The following RGS6 variants were observed in gnomAD, a reference collection of about 807,000 sequenced individuals.
RGS6 encodes the protein regulator of G protein signaling 6.
Under a neutral mutation model 78.5 loss-of-function variants are expected in RGS6, and 30 were observed. The ratio of observed to expected loss-of-function variants is 0.38; its 90% CI spans 0.29 to 0.52. RGS6 has a LOEUF of 0.52. Among genes scored for constraint, RGS6 ranks in the 20% least tolerant of loss-of-function variants. The pLI, the probability that RGS6 is intolerant of heterozygous loss-of-function variation, is 0.85. For synonymous variants in RGS6, 206 were observed against 206.0 expected (o/e 1.00, Z 0.00); for missense variants, 495 against 609.7 (o/e 0.81, Z 1.98).
the RGS6 span, among the ~76,000 whole-genome samples, chr14:72,606,509 C>T: frequency 5.6e-3 from 849 of 152,304 alleles, 9 homozygotes; most frequent in African/African-American, 0.02. Context: ...TCATCAACAT[C>T]TTATCCCACT....
chr14:71,879,155 GA>G, the RGS6 span, among the ~76,000 whole-genome samples: 267 of 152,108 alleles, frequency 1.8e-3, 1 homozygote, highest in African/African-American at 6.1e-3. Flanking sequence ...ACCTCACCAG[GA>G]AAAAAACTCA....
At chr14:72,476,606 G>A in intron 10 of RGS6, 136 bp from the exon 11 acceptor site, 1 of 637,832 alleles carries the variant, frequency 1.6e-6, no homozygotes, top group South Asian at 2.0e-5. Context: ...CATCATTGAA[G>A]AAATAAAAGC....
chr14:72,262,123 C>A (rs1049499056), intron 2 of RGS6, among the ~76,000 whole-genome samples: 18 of 152,142 alleles, frequency 1.2e-4, no homozygotes, highest in African/African-American at 4.3e-4. Context: ...TCCTATTCAG[C>A]CTCATCATAG....
the RGS6 span, among the ~76,000 whole-genome samples, chr14:72,581,949 G>C: frequency 1.1e-4 from 16 of 152,334 alleles, no homozygotes; most frequent in East Asian, 2.3e-3. Flanking sequence ...CTGGCTTCTG[G>C]TGGGAGCTTT....
intron 3 of RGS6, among the ~76,000 whole-genome samples, chr14:72,439,092 C>T (rs575145106): frequency 6.6e-6 from 1 of 152,336 alleles, no homozygotes; most frequent in South Asian, 2.1e-4. Flanking sequence ...CTCCCCTCCC[C>T]AATCTCAGTA....
chr14:72,107,581 A>G (rs548689362), intron 2 of RGS6, among the ~76,000 whole-genome samples: 4 of 152,236 alleles, frequency 2.6e-5, no homozygotes, highest in Middle Eastern at 3.4e-3. Context: ...AGTCTTTTCA[A>G]TGGGCAAAAC....
At chr14:72,428,374 G>A (rs1241816100) in intron 3 of RGS6, among the ~76,000 whole-genome samples, 8 of 152,130 alleles carry the variant, frequency 5.3e-5, no homozygotes, top group African/African-American at 1.9e-4. Context: ...GTAGATGGCA[G>A]TGGATGAACA....
chr14:72,121,835 C>T (rs984066256), intron 2 of RGS6, among the ~76,000 whole-genome samples: 2 of 152,096 alleles, frequency 1.3e-5, no homozygotes, highest in Non-Finnish European at 2.9e-5. Flanking sequence ...CTTTGTGTTC[C>T]CAGTGTCTGC....
At chr14:72,295,283 T>C in intron 2 of RGS6, among the ~76,000 whole-genome samples, 1 of 137,932 alleles carries the variant, frequency 7.2e-6, no homozygotes. Context: ...AGAGCGAGAC[T>C]CCGTCTCAAA....
chr14:71,941,566 A>C (rs1396011293), intron 1 of RGS6, among the ~76,000 whole-genome samples: 1 of 152,258 alleles, frequency 6.6e-6, no homozygotes, highest in Non-Finnish European at 1.5e-5. Flanking sequence ...CTGAGGAGCA[A>C]GGACAGCCAG....
Position 72,248,889 on chromosome 14 carries a change from A to G in RGS6, c.85-103206A>G, listed in dbSNP as rs535270886. ...CTTTGCCTTTGTGAATCTGGCTGGG[A>G]TCTTTTTCCAACTTTATTGACCATG... On this transcript the variant is annotated intron_variant, in intron 2 of 17. Coordinates refer to ENST00000553525, the MANE Select transcript of RGS6 (RefSeq NM_001204424.2). Among the ~76,000 whole-genome samples, 5 of 152,332 alleles carry G rather than the reference A, an allele frequency of 3.3e-5. No individual in the cohort carries two copies. The South Asian group carries it at 1.0e-3, about 32-fold the overall frequency.
chr14:72,035,074 A>G (rs1244760105), intron 2 of RGS6, among the ~76,000 whole-genome samples: 1 of 152,002 alleles, frequency 6.6e-6, no homozygotes, highest in African/African-American at 2.4e-5. Flanking sequence ...CTCCCCCATT[A>G]CTGTATAGGA....
chr14:72,434,990 C>G (rs2094833917), intron 3 of RGS6, among the ~76,000 whole-genome samples: 1 of 152,194 alleles, frequency 6.6e-6, no homozygotes, highest in South Asian at 2.1e-4. Context: ...AAAAGTCTGA[C>G]TGATAGCTGA....
chr14:72,012,607 A>G lies in RGS6; in HGVS notation c.84+47732A>G, dbSNP rs527950311. ...CCAGATGCTGTTAGCCACACCATAC[A>G]TATCTGTGATGTTTCCTGACAAGAT... On this transcript the variant is annotated intron_variant, in intron 2 of 17. Coordinates refer to ENST00000553525, the MANE Select transcript of RGS6 (RefSeq NM_001204424.2). Among the ~76,000 whole-genome samples the G allele has an allele frequency of 1.5e-4, 23 of 152,312 alleles. No individual in the cohort carries two copies. The East Asian group carries it at 2.5e-3, about 17-fold the overall frequency.
intron 2 of RGS6, among the ~76,000 whole-genome samples, chr14:71,971,906 GTTTTTTTTTTTTTT>G (rs57854685): frequency 2.9e-5 from 3 of 104,448 alleles, no homozygotes; most frequent in African/African-American, 1.1e-4. Flanking sequence ...AATATGGCAG[GTTTTTTTTTTTTTT>G]TTTTTTTTTT....
At chr14:72,051,636 T>G (rs2093252578) in intron 2 of RGS6, among the ~76,000 whole-genome samples, 8 of 152,178 alleles carry the variant, frequency 5.3e-5, no homozygotes. Flanking sequence ...TTTATCCTAA[T>G]CATAGGTTTT....
chr14:72,459,851 T>A (rs986506192), intron 6 of RGS6, among the ~76,000 whole-genome samples, 168 bp downstream of exon 6: 12 of 152,146 alleles, frequency 7.9e-5, no homozygotes, highest in Admixed American at 7.9e-4. Flanking sequence ...CTGTTCCACA[T>A]AACAGAGGAA....
At chr14:71,876,452 A>T in the RGS6 span, among the ~76,000 whole-genome samples, 2 of 127,884 alleles carry the variant, frequency 1.6e-5, no homozygotes, top group South Asian at 2.6e-4. Context: ...GTTTTATCAG[A>T]GACTAGGTTT....
At chr14:72,052,340 T>G (rs1364910999) in intron 2 of RGS6, among the ~76,000 whole-genome samples, 1 of 152,212 alleles carries the variant, frequency 6.6e-6, no homozygotes, top group East Asian at 1.9e-4. Flanking sequence ...AATGGATAAC[T>G]AGAATGAACA....
Sources: gnomAD v4.1 joint callset for allele counts (sites outside exome capture counted in the v4.1 genomes callset) on GRCh38, gnomAD v4.1.1 for gene constraint, MANE v1.5 for transcripts, NCBI Gene and HGNC (gene_info 2026-07-23, HGNC 2026-07-21) for gene names.